TULP4: variants seen among roughly 807,000 people sequenced by gnomAD.
TULP4 encodes the protein tubby-related protein 4.
In TULP4, 16 loss-of-function variants were observed where a neutral mutation model predicts 129.0. The observed-to-expected ratio is 0.12, with a 90% CI of 0.08 to 0.19. TULP4 has a LOEUF of 0.19. Among genes scored for constraint, TULP4 ranks in the 10% least tolerant of loss-of-function variants. The pLI is 1.00. For synonymous variants in TULP4, 998 were observed against 854.0 expected, an observed-to-expected ratio of 1.17 and a Z score of -2.94; for missense variants, 1,842 against 2,059.1, an observed-to-expected ratio of 0.89 and a Z score of 2.04.
In TULP4 at chr6:158,391,493, A is replaced by C. The variant is rs1053108144; in HGVS notation, c.253-21572A>C. Reference sequence around the variant, plus strand: ...GTGCTCTTAGTGAATTCAAACCTACAAAGGCAAAGTTGGTGACTAATTTTT... The same window carrying C: ...GTGCTCTTAGTGAATTCAAACCTACCAAGGCAAAGTTGGTGACTAATTTTT... On this transcript the variant is annotated intron_variant, in intron 1 of 13. Coordinates refer to ENST00000367097, the MANE Select transcript of TULP4 (RefSeq NM_020245.5). Among the ~76,000 whole-genome samples, 7 of 152,354 alleles carry C rather than the reference A, an allele frequency of 4.6e-5. No individual in the cohort carries two copies. The East Asian group carries it at 1.3e-3, about 29-fold the overall frequency.
chr6:158,439,815 C>A (rs529262473), intron 3 of TULP4, among the ~76,000 whole-genome samples: 29 of 145,514 alleles, frequency 2.0e-4, no homozygotes, highest in African/African-American at 6.9e-4. Context: ...GGGTTCATGC[C>A]ATTCTCCTGC....
intron 1 of TULP4, among the ~76,000 whole-genome samples, chr6:158,306,172 G>A (rs762427959): frequency 6.6e-6 from 1 of 152,082 alleles, no homozygotes; most frequent in Non-Finnish European, 1.5e-5. Context: ...TTAAAGTTTG[G>A]TTAAAAACCT....
intron 1 of TULP4, among the ~76,000 whole-genome samples, chr6:158,403,819 AAAC>A (rs775264320): frequency 4.6e-4 from 70 of 152,330 alleles, no homozygotes; most frequent in African/African-American, 7.9e-4. Flanking sequence ...TTTCTAGCTA[AAAC>A]AACAACAACT....
intron 1 of TULP4, among the ~76,000 whole-genome samples, chr6:158,347,080 A>G (rs1005143360): frequency 6.6e-6 from 1 of 152,232 alleles, no homozygotes; most frequent in Admixed American, 6.5e-5. Flanking sequence ...TTTCAGCGAC[A>G]GAAATCCGTA....
At chr6:158,378,468 T>C (rs911419681) in intron 1 of TULP4, among the ~76,000 whole-genome samples, 15 of 73,054 alleles carry the variant, frequency 2.1e-4, no homozygotes, top group Middle Eastern at 0.017. Flanking sequence ...AGCCAGTTTT[T>C]TTTTTTTTTT....
chr6:158,496,817 C>T (rs142375296), intron 11 of TULP4, among the ~76,000 whole-genome samples: 2 of 152,260 alleles, frequency 1.3e-5, no homozygotes, highest in African/African-American at 4.8e-5. Flanking sequence ...AATGAGAGAG[C>T]ATGTGAGAGC....
Position 158,503,792 on chromosome 6 carries a change from C to T in TULP4, c.4129C>T (p.Leu1377=). 1 of 1,614,082 alleles carries T rather than the reference C, an allele frequency of 6.2e-7. No homozygotes were observed. Among genetic ancestry groups the T allele is most frequent in the Non-Finnish European group, 8.5e-7 (1 of 1,180,030 alleles). ...TAATTCCCTAATCTCCAGCCCACAC[C>T]TGGGGAGAGAGAAGAAGAAAGTGAA... ...DFNSLISSPH[L]GREKKKVKSQ... The change falls in exon 13 of 14, where the codon CTG becomes TTG. Residue 1377 remains leucine (L), a synonymous_variant. Coordinates refer to ENST00000367097, the MANE Select transcript of TULP4 (RefSeq NM_020245.5). The surrounding 1 kb of genome is among the most constrained non-coding windows in gnomAD (Gnocchi z 4.3).
intron 1 of TULP4, among the ~76,000 whole-genome samples, chr6:158,259,988 G>A (rs1476989644): frequency 6.6e-6 from 1 of 152,186 alleles, no homozygotes; most frequent in African/African-American, 2.4e-5. Context: ...TTGAGCTCAG[G>A]TGTTTATCGT....
At chr6:158,479,597 C>T (rs1009802646) in intron 6 of TULP4, among the ~76,000 whole-genome samples, 154 bp from the exon 7 acceptor site, 35 of 152,128 alleles carry the variant, frequency 2.3e-4, no homozygotes, top group African/African-American at 7.2e-4. Flanking sequence ...ACTGAATTTT[C>T]GTAATATAGT....
chr6:158,278,340 T>C (rs1276117403), upstream of TULP4, among the ~76,000 whole-genome samples: 1 of 152,094 alleles, frequency 6.6e-6, no homozygotes, highest in Non-Finnish European at 1.5e-5. Flanking sequence ...TGTTTTGATG[T>C]AGTGCATTTT....
rs184335435 is a variant in TULP4 at position 158,444,077 on chromosome 6, T to G, written c.544-4919T>G. On this transcript the variant is annotated intron_variant, in intron 3 of 13. Coordinates refer to ENST00000367097, the MANE Select transcript of TULP4 (RefSeq NM_020245.5). Reference sequence around the variant, plus strand: ...TACTAAAAAATACAAAAAATTAGCCTGGCGTGGTGGCGCAAGCCTGTAGTC... The same window carrying G: ...TACTAAAAAATACAAAAAATTAGCCGGGCGTGGTGGCGCAAGCCTGTAGTC... Among the ~76,000 whole-genome samples, 252 of 151,662 alleles carry G rather than the reference T, an allele frequency of 1.7e-3. 6 individuals carry two copies. Among genetic ancestry groups the G allele is most frequent in the South Asian group, 8.3e-3 (40 of 4,794 alleles).
intron 3 of TULP4, among the ~76,000 whole-genome samples, chr6:158,439,933 G>T (rs937890706): frequency 1.1e-4 from 16 of 151,068 alleles, no homozygotes; most frequent in African/African-American, 1.7e-4. Flanking sequence ...GGATGGTCTC[G>T]ATCTCCTGAC....
In TULP4 at chr6:158,237,369, C is replaced by T; in HGVS notation, n.68+5066C>T. Reference sequence around the variant, plus strand: ...CACCTTTTCCACCTTTCTTCTTTTTCTGTTGCTGTTTCTTTTTTGTTGCTG... The same window carrying T: ...CACCTTTTCCACCTTTCTTCTTTTTTTGTTGCTGTTTCTTTTTTGTTGCTG... On this transcript the variant is annotated intron_variant and non_coding_transcript_variant, in intron 1 of 1. Transcript: ENST00000620026. 8 of 1,612,430 alleles carry T rather than the reference C, an allele frequency of 5.0e-6. No individual in the cohort carries two copies. In the South Asian group the frequency reaches 5.5e-5, roughly 11 times the overall value.
intron 1 of TULP4, among the ~76,000 whole-genome samples, chr6:158,410,535 T>C (rs865827200): frequency 6.6e-6 from 1 of 152,228 alleles, no homozygotes; most frequent in Admixed American, 6.5e-5. Flanking sequence ...TAATTTGTCA[T>C]GTTCTATTCC....
intron 1 of TULP4, among the ~76,000 whole-genome samples, chr6:158,264,368 C>T (rs765227743): frequency 1.3e-5 from 2 of 152,136 alleles, no homozygotes; most frequent in Non-Finnish European, 2.9e-5. Flanking sequence ...GGAATTTATA[C>T]GTATGTTGGT....
At chr6:158,406,195 A>T (rs1777974713) in intron 1 of TULP4, among the ~76,000 whole-genome samples, 1 of 152,166 alleles carries the variant, frequency 6.6e-6, no homozygotes, top group South Asian at 2.1e-4. Flanking sequence ...ACCCTGACCT[A>T]ACCTTGAACT....
chr6:158,423,246 TAAAG>T (rs1778396092), intron 2 of TULP4, among the ~76,000 whole-genome samples: 1 of 151,742 alleles, frequency 6.6e-6, no homozygotes, highest in Admixed American at 6.6e-5. Context: ...TGGGGCTAAA[TAAAG>T]ATTTCTTAGA....
Position 158,493,402 on chromosome 6 carries a change from A to G in TULP4, c.1632-171A>G, listed in dbSNP as rs1031118453. ...TGTAAAGTTGTCATTCTTTCCTCAT[A>G]TTCATAAAGCAAAAGCAAGGGGAGA... On this transcript the variant is annotated intron_variant, in intron 9 of 13. Coordinates refer to ENST00000367097, the MANE Select transcript of TULP4 (RefSeq NM_020245.5). This position sits in a 1 kb window ranked among gnomAD's most constrained non-coding sequence, Gnocchi z 4.4. Among the ~76,000 whole-genome samples the G allele has an allele frequency of 6.6e-6, 1 of 152,214 alleles. No homozygotes were observed. Among genetic ancestry groups the G allele is most frequent in the Non-Finnish European group, 1.5e-5 (1 of 68,038 alleles).
chr6:158,461,873 G>T (rs1175284184), intron 6 of TULP4, 144 bp downstream of exon 6: 1 of 984,328 alleles, frequency 1.0e-6, no homozygotes, highest in Non-Finnish European at 1.4e-6. Context: ...GGAGAAAGCA[G>T]TTTTTGCCTT....
Sources: gnomAD v4.1 joint callset for allele counts (sites outside exome capture counted in the v4.1 genomes callset) on GRCh38, gnomAD v4.1.1 for gene constraint, Gnocchi (gnomAD v3.1) non-coding constraint, MANE v1.5 for transcripts, NCBI Gene and HGNC (gene_info 2026-07-23, HGNC 2026-07-21) for gene names.